IVD: variants seen among roughly 807,000 people sequenced by gnomAD.
The protein encoded by IVD is isovaleryl-CoA dehydrogenase, also known as isovaleryl-CoA dehydrogenase, mitochondrial.
IVD carries 31 observed loss-of-function variants against 51.3 expected under a neutral mutation model. That is an observed-to-expected ratio of 0.60 (90% CI 0.45 to 0.81). IVD has a LOEUF of 0.81. Among genes scored for constraint, IVD ranks in the 40% least tolerant of loss-of-function variants. The pLI is 0.00. For missense variants in IVD, 475 were observed against 552.0 expected, an observed-to-expected ratio of 0.86 and a Z score of 1.40; for synonymous variants, 205 against 219.4, an observed-to-expected ratio of 0.93 and a Z score of 0.58.
At chr15:40,413,165 G>C in intron 7 of IVD, 78 bp downstream of exon 7, 6 of 1,177,816 alleles carry the variant, frequency 5.1e-6, no homozygotes, top group South Asian at 1.2e-5. Flanking sequence ...AGTTGAGAAA[G>C]CCTCTGGGTT....
intron 3 of IVD, among the ~76,000 whole-genome samples, chr15:40,410,095 C>T (rs4244579): frequency 0.73 from 110,140 of 151,372 alleles, 40,405 homozygotes; most frequent in East Asian, 0.87. Flanking sequence ...CTCAGCCTCC[C>T]AAAGTGCTGG....
At chr15:40,406,800 A>G (rs1021031919) in intron 1 of IVD, among the ~76,000 whole-genome samples, 2 of 152,094 alleles carry the variant, frequency 1.3e-5, no homozygotes, top group African/African-American at 4.8e-5. Flanking sequence ...GAACCACCTC[A>G]AGTGGAAAGG....
At chr15:40,417,655 G>A (rs1001438128) in intron 11 of IVD, among the ~76,000 whole-genome samples, 1 of 152,130 alleles carries the variant, frequency 6.6e-6, no homozygotes, top group African/African-American at 2.4e-5. Flanking sequence ...TCTATGCTAT[G>A]TGGGCTACCT....
rs1891964636 is a variant in IVD, at chr15:40,418,554, A to T, written c.*291A>T. ...TGGTGACTCTGTGCCCTTGCTCTCTAACTTCTGAGCCCACCTCCCAGGGTA... is the reference window on the plus strand; with the variant it reads ...TGGTGACTCTGTGCCCTTGCTCTCTTACTTCTGAGCCCACCTCCCAGGGTA... On this transcript the variant is annotated 3_prime_UTR_variant, in exon 12 of 12. Transcript: ENST00000487418. 1 of 1,226,328 alleles carries T rather than the reference A, an allele frequency of 8.2e-7. No individual in the cohort carries two copies. The allele number at this position is 1,226,328 out of a possible 1,614,324, so 76.0% of individuals were successfully genotyped here.
chr15:40,434,201 T>C (rs1225473192), intron 8 of IVD, among the ~76,000 whole-genome samples: 1 of 152,190 alleles, frequency 6.6e-6, no homozygotes, highest in Non-Finnish European at 1.5e-5. Context: ...GGGTAGCAAA[T>C]CTTCTGATTT....
At chr15:40,421,562 A>G (rs932403843), downstream of IVD, among the ~76,000 whole-genome samples, 7 of 152,190 alleles carry the variant, frequency 4.6e-5, no homozygotes, top group African/African-American at 1.7e-4. Context: ...TGGTCTGAGC[A>G]CACCCCTTAT....
rs1268734471 is a variant in IVD at position 40,413,147 on chromosome 15, T to C, written c.784+60T>C. The stretch of plus-strand genomic sequence containing the variant: ...TGACCCCCTTCCAGGCTGATCTGGC[T>C]GTTCTCAAGTTGAGAAAGCCTCTGG... On this transcript the variant is annotated intron_variant, in intron 7 of 11. Transcript: ENST00000487418. 4.4e-6 allele frequency: 6 copies of C among 1,349,364 alleles called. 1 individual carries two copies. In the South Asian group the frequency reaches 5.9e-5, roughly 13 times the overall value. 83.6% of individuals were successfully genotyped at this position (1,349,364 alleles called of 1,614,324 possible). A position where few individuals can be genotyped will look rare whatever the true frequency, so the allele number is the denominator to read the frequency against.
intron 7 of IVD, 161 bp from the exon 8 acceptor site, chr15:40,414,728 C>A: frequency 7.9e-7 from 1 of 1,272,640 alleles, no homozygotes; most frequent in Non-Finnish European, 1.1e-6. Flanking sequence ...GGAAGGGGTT[C>A]ACTTGATCCT....
intron 9 of IVD, 105 bp downstream of exon 9, chr15:40,415,587 A>G (rs1195247299): frequency 1.1e-6 from 1 of 934,030 alleles, no homozygotes; most frequent in Non-Finnish European, 1.7e-6. Context: ...TGTCTCCTCT[A>G]GCAAATTGAG....
intron 7 of IVD, 28 bp downstream of exon 7, chr15:40,413,115 C>G (rs1566937997): frequency 6.5e-7 from 1 of 1,543,658 alleles, no homozygotes; most frequent in Non-Finnish European, 9.0e-7. Flanking sequence ...TCGGGGAGCC[C>G]CTCTCCTGAC....
At chr15:40,427,225 G>A (rs1223881144), downstream of IVD, among the ~76,000 whole-genome samples, 2 of 152,246 alleles carry the variant, frequency 1.3e-5, no homozygotes, top group Admixed American at 1.3e-4. Context: ...GCTCGCACTG[G>A]CAGAGAGAGA....
At chr15:40,407,582 C>A in intron 1 of IVD, 54 bp from the exon 2 acceptor site, 1 of 1,298,152 alleles carries the variant, frequency 7.7e-7, no homozygotes, top group Non-Finnish European at 1.1e-6. Context: ...TTGAATGTGT[C>A]TGGGTAGTGG....
intron 9 of IVD, 40 bp downstream of exon 9, chr15:40,415,522 G>A (rs767108729): frequency 1.9e-5 from 30 of 1,560,836 alleles, no homozygotes; most frequent in African/African-American, 1.9e-4. Flanking sequence ...TCTTCAACTG[G>A]GCTAAAGTTT....
chr15:40,410,838 C>T, intron 4 of IVD, 41 bp downstream of exon 4: 2 of 1,605,704 alleles, frequency 1.2e-6, no homozygotes, highest in Non-Finnish European at 1.7e-6. Flanking sequence ...TCTCACAGTG[C>T]AACCACCAAC....
intron 1 of IVD, among the ~76,000 whole-genome samples, chr15:40,407,145 G>A (rs1890529816): frequency 2.0e-5 from 3 of 152,244 alleles, no homozygotes; most frequent in Admixed American, 2.0e-4. Context: ...TTACAGGCAT[G>A]AGCCACCATG....
At chr15:40,422,698 C>G (rs1892416327), downstream of IVD, among the ~76,000 whole-genome samples, 1 of 143,078 alleles carries the variant, frequency 7.0e-6, no homozygotes, top group Non-Finnish European at 1.5e-5. Context: ...ATCTAGGGTT[C>G]AAGCGATTCT....
In IVD at chr15:40,420,215, C is replaced by T; in HGVS notation, c.*1952C>T. The T allele has an allele frequency of 1.0e-6, 1 of 986,442 alleles. No individual in the cohort carries two copies. The highest frequency in any genetic ancestry group is 1.2e-6 in the Non-Finnish European group (1 of 830,158). 61.1% of individuals were successfully genotyped at this position (986,442 alleles called of 1,614,324 possible). A position where few individuals can be genotyped will look rare whatever the true frequency, so the allele number is the denominator to read the frequency against. ...TGGAAGACTGGCTCCTCCTGTACAGCACCTCTGAGCCCTTGTGCACCGCCC... is the reference window on the plus strand; with the variant it reads ...TGGAAGACTGGCTCCTCCTGTACAGTACCTCTGAGCCCTTGTGCACCGCCC... On this transcript the variant is annotated 3_prime_UTR_variant, in exon 12 of 12. Transcript: ENST00000487418.
rs369472717 is a variant in IVD, at chr15:40,418,290, T to A, written c.*27T>A. On this transcript the variant is annotated 3_prime_UTR_variant, in exon 12 of 12. Transcript: ENST00000487418. The stretch of plus-strand genomic sequence containing the variant: ...CCTGAGACCCTTCGCCCCCTTTTCC[T>A]GCACCTAGTGGCCTTTCTTGGGAAG... 6.2e-7 allele frequency: 1 copy of A among 1,613,252 alleles called. No individual in the cohort carries two copies. The highest frequency in any genetic ancestry group is 8.5e-7 in the Non-Finnish European group (1 of 1,179,574).
At chr15:40,412,845 G>C in intron 6 of IVD, 146 bp from the exon 7 acceptor site, 1 of 684,110 alleles carries the variant, frequency 1.5e-6, no homozygotes. Context: ...AAGGTCCCGG[G>C]GGGAGCATGG....
Sources: gnomAD v4.1 joint callset for allele counts (sites outside exome capture counted in the v4.1 genomes callset) on GRCh38, gnomAD v4.1.1 for gene constraint, MANE v1.5 for transcripts, NCBI Gene and HGNC (gene_info 2026-07-23, HGNC 2026-07-21) for gene names.